The following RABGAP1L variants were observed in gnomAD, a reference collection of about 807,000 sequenced individuals.
RABGAP1L encodes the protein RAB GTPase activating protein 1 like, also known as rab GTPase-activating protein 1-like.
In RABGAP1L, 63 loss-of-function variants were observed where a neutral mutation model predicts 137.7. That is an observed-to-expected ratio of 0.46 (90% CI 0.37 to 0.56). The LOEUF (loss-of-function observed/expected upper bound fraction) is 0.56, where lower values mean the gene tolerates loss of function less well. Among genes scored for constraint, RABGAP1L ranks in the 20% least tolerant of loss-of-function variants. RABGAP1L has a pLI of 0.00. For missense variants in RABGAP1L, 1,095 were observed against 1,244.0 expected (o/e 0.88, Z 1.80); for synonymous variants, 431 against 433.7 (o/e 0.99, Z 0.08).
rs10556099 is a variant in RABGAP1L at position 174,981,550 on chromosome 1, C to CTTTTTT, written c.2734-1258_2734-1253dup. 5.3e-3 allele frequency among the ~76,000 whole-genome samples: 351 copies of CTTTTTT among 66,432 alleles called. 36 individuals carry two copies. Among genetic ancestry groups the CTTTTTT allele is most frequent in the African/African-American group, 0.016 (238 of 14,978 alleles). The allele number at this position is 66,432 out of a possible 152,430, so 43.6% of individuals were successfully genotyped here. On this transcript the variant is annotated intron_variant, in intron 23 of 25. Transcript: ENST00000681986. ...AATTTCACATCCCCTGTTTTTCCAT[C>CTTTTTT]TTTTTTTTTTTTTTTTTTTTTTTTT... is the stretch of plus-strand genomic sequence containing the variant.
intron 14 of RABGAP1L, among the ~76,000 whole-genome samples, chr1:174,640,357 C>G (rs1674431096): frequency 6.6e-6 from 1 of 152,078 alleles, no homozygotes. Flanking sequence ...ATATTATTCT[C>G]AAGCTTCCAC....
intron 11 of RABGAP1L, among the ~76,000 whole-genome samples, chr1:174,346,403 C>T (rs574022246): frequency 8.5e-5 from 13 of 152,172 alleles, no homozygotes; most frequent in Non-Finnish European, 1.5e-4. Context: ...TTTTTAATTA[C>T]GACTTTGATC....
At chr1:174,396,860 T>A (rs1222207249) in intron 13 of RABGAP1L, among the ~76,000 whole-genome samples, 1 of 151,858 alleles carries the variant, frequency 6.6e-6, no homozygotes, top group African/African-American at 2.4e-5. Flanking sequence ...GAGATAGGGC[T>A]GGGCTCAGTG....
chr1:174,632,779 T>C (rs1673536944), intron 13 of RABGAP1L, among the ~76,000 whole-genome samples: 1 of 144,014 alleles, frequency 6.9e-6, no homozygotes, highest in Non-Finnish European at 1.5e-5. Flanking sequence ...TTGGTTATTC[T>C]AGTTATACAT....
intron 12 of RABGAP1L, among the ~76,000 whole-genome samples, chr1:174,373,586 T>G (rs1226186519): frequency 6.6e-6 from 1 of 152,188 alleles, no homozygotes; most frequent in African/African-American, 2.4e-5. Flanking sequence ...AGGGGACAAC[T>G]GTTTAGTTCC....
intron 11 of RABGAP1L, among the ~76,000 whole-genome samples, chr1:174,336,907 G>GAT (rs1558143638): frequency 2.7e-5 from 4 of 150,612 alleles, no homozygotes; most frequent in African/African-American, 9.8e-5. Flanking sequence ...GAAAGAGAGA[G>GAT]AAAGAATGGA....
At chr1:174,684,475 G>A (rs1442596939) in intron 15 of RABGAP1L, among the ~76,000 whole-genome samples, 2 of 152,182 alleles carry the variant, frequency 1.3e-5, no homozygotes, top group Non-Finnish European at 2.9e-5. Flanking sequence ...ACGGGGAGTG[G>A]TATGACGTAA....
intron 19 of RABGAP1L, among the ~76,000 whole-genome samples, chr1:174,928,252 A>G (rs1663161879): frequency 6.6e-6 from 1 of 152,186 alleles, no homozygotes; most frequent in South Asian, 2.1e-4. Context: ...CCTCCATAAT[A>G]TATGTCCTAA....
At chr1:174,491,418 C>A (rs763592506) in intron 13 of RABGAP1L, among the ~76,000 whole-genome samples, 64 of 152,096 alleles carry the variant, frequency 4.2e-4, no homozygotes, top group Non-Finnish European at 7.4e-4. Flanking sequence ...GGTACCCTAT[C>A]CTACTGTGGC....
chr1:174,685,830 G>A (rs1215269258), intron 15 of RABGAP1L, among the ~76,000 whole-genome samples: 1 of 152,168 alleles, frequency 6.6e-6, no homozygotes, highest in Non-Finnish European at 1.5e-5. Flanking sequence ...TAAAGTGCTG[G>A]GATTGTAGGC....
intron 1 of RABGAP1L, among the ~76,000 whole-genome samples, chr1:174,210,656 A>G (rs898094400): frequency 2.0e-5 from 3 of 152,200 alleles, no homozygotes; most frequent in African/African-American, 7.2e-5. Context: ...GAGATAGAGA[A>G]AGATATGGGT....
intron 10 of RABGAP1L, among the ~76,000 whole-genome samples, chr1:174,286,187 A>G (rs984168966): frequency 1.2e-4 from 18 of 152,184 alleles, no homozygotes; most frequent in African/African-American, 4.3e-4. Context: ...TGGTGAAACC[A>G]TCAGGTCCTG....
chr1:174,366,117 T>C (rs960250881), intron 11 of RABGAP1L, among the ~76,000 whole-genome samples: 2 of 152,318 alleles, frequency 1.3e-5, no homozygotes, highest in East Asian at 3.9e-4. Flanking sequence ...TCTCAAGAAG[T>C]CTAGCACTTT....
intron 1 of RABGAP1L, among the ~76,000 whole-genome samples, chr1:174,198,041 A>C (rs1428051802): frequency 6.6e-6 from 1 of 152,174 alleles, no homozygotes; most frequent in African/African-American, 2.4e-5. Flanking sequence ...TATTTAAAGT[A>C]GTTGGGTATA....
chr1:174,260,530 C>A (rs1303930857), intron 7 of RABGAP1L, among the ~76,000 whole-genome samples: 1 of 152,110 alleles, frequency 6.6e-6, no homozygotes, highest in African/African-American at 2.4e-5. Context: ...TAGGGCAAAG[C>A]TTACTTATTG....
chr1:174,850,050 A>G, intron 19 of RABGAP1L: 1 of 565,862 alleles, frequency 1.8e-6, no homozygotes, highest in Non-Finnish European at 3.5e-6. Flanking sequence ...CTGCTCTTGC[A>G]GGAGGCTGTT....
intron 1 of RABGAP1L, among the ~76,000 whole-genome samples, chr1:174,176,797 G>T (rs900210095): frequency 7.6e-6 from 1 of 131,614 alleles, no homozygotes; most frequent in African/African-American, 2.9e-5. Flanking sequence ...AGTCTTCTAA[G>T]GGCTGGGCAT....
chr1:174,608,416 A>G (rs1410357090), intron 13 of RABGAP1L, among the ~76,000 whole-genome samples: 2 of 152,214 alleles, frequency 1.3e-5, no homozygotes, highest in Non-Finnish European at 2.9e-5. Context: ...CCAAGGCAAT[A>G]TGTAAAAAAG....
intron 11 of RABGAP1L, among the ~76,000 whole-genome samples, chr1:174,308,683 G>T (rs993181107): frequency 2.6e-5 from 4 of 151,904 alleles, no homozygotes; most frequent in African/African-American, 9.7e-5. Context: ...ATGCCAGTTG[G>T]CTCTAAATAC....
Sources: allele counts gnomAD v4.1 joint callset (sites outside exome capture counted in the v4.1 genomes callset), GRCh38; gene constraint gnomAD v4.1.1; transcripts MANE v1.5; gene names NCBI Gene and HGNC (gene_info 2026-07-23, HGNC 2026-07-21).